The following MYRFL variants were observed in gnomAD, a reference collection of about 807,000 sequenced individuals.
MYRFL encodes myelin regulatory factor-like protein.
Under a neutral mutation model 109.4 loss-of-function variants are expected in MYRFL, and 88 were observed. The observed-to-expected ratio is 0.80, with a 90% CI of 0.68 to 0.96. The LOEUF is 0.96. Ranked by LOEUF, MYRFL falls within the 40% of genes least tolerant of loss-of-function variation. The pLI is 0.00. For missense variants in MYRFL, 957 were observed against 954.9 expected (o/e 1.00, Z -0.03); for synonymous variants, 324 against 320.9 (o/e 1.01, Z -0.10).
intron 19 of MYRFL, among the ~76,000 whole-genome samples, chr12:69,939,588 G>A (rs1955579038): frequency 6.6e-6 from 1 of 151,954 alleles, no homozygotes; most frequent in Admixed American, 6.6e-5. Flanking sequence ...CCACAAAGAT[G>A]GGGAAAAAAC....
intron 19 of MYRFL, among the ~76,000 whole-genome samples, chr12:69,943,725 C>T (rs1364541311): frequency 1.1e-4 from 16 of 141,492 alleles, no homozygotes; most frequent in African/African-American, 4.1e-4. Context: ...GCAAAAGAAA[C>T]TACCATCAGA....
In MYRFL at chr12:69,958,635, T is replaced by A. The variant is rs1956149921; in HGVS notation, c.*104T>A. 2.5e-6 allele frequency: 2 copies of A among 808,976 alleles called. No individual in the cohort carries two copies. The highest frequency in any genetic ancestry group is 3.7e-6 in the Non-Finnish European group (2 of 540,158). 50.1% of individuals were successfully genotyped at this position (808,976 alleles called of 1,614,324 possible). A position where few individuals can be genotyped will look rare whatever the true frequency, so the allele number is the denominator to read the frequency against. On this transcript the variant is annotated 3_prime_UTR_variant, in exon 25 of 25. Coordinates refer to ENST00000552032, the MANE Select transcript of MYRFL (RefSeq NM_182530.3). ...TCTTTTTTCTTCTTTGTAAAACATT[T>A]ACGTTTATTGCTGAAGGACTTTTTC...
At chr12:69,828,027 G>A (rs1592668328) in intron 1 of MYRFL, among the ~76,000 whole-genome samples, 1 of 152,038 alleles carries the variant, frequency 6.6e-6, no homozygotes, top group Non-Finnish European at 1.5e-5. Flanking sequence ...GTTATAATCA[G>A]GGAAGAGTTT....
chr12:69,893,890 C>A, intron 8 of MYRFL, 50 bp downstream of exon 8: 1 of 834,438 alleles, frequency 1.2e-6, no homozygotes, highest in Non-Finnish European at 1.6e-6. Context: ...TGAATAAACA[C>A]CTACTTTGTT....
chr12:69,877,657 A>G (rs531039435), intron 2 of MYRFL, among the ~76,000 whole-genome samples: 17 of 152,250 alleles, frequency 1.1e-4, no homozygotes, highest in South Asian at 6.2e-4. Flanking sequence ...AGGAGAGTAG[A>G]TGTGTGTCCT....
At chr12:69,853,319 G>C (rs532324710) in intron 1 of MYRFL, among the ~76,000 whole-genome samples, 2 of 151,886 alleles carry the variant, frequency 1.3e-5, no homozygotes, top group Non-Finnish European at 1.5e-5. Flanking sequence ...CTTCCCGGAC[G>C]GGGTGGCTGC....
intron 2 of MYRFL, among the ~76,000 whole-genome samples, chr12:69,874,733 C>G (rs1885555447): frequency 1.3e-5 from 2 of 151,750 alleles, no homozygotes; most frequent in South Asian, 4.2e-4. Flanking sequence ...TCTGGCTTAC[C>G]AATTTTGTTT....
In MYRFL at chr12:69,936,367, C is replaced by T. The variant is rs192500619; in HGVS notation, c.2044+32C>T. 1.0e-3 allele frequency: 1,572 copies of T among 1,534,588 alleles called. 4 individuals carry two copies. The highest frequency in any genetic ancestry group is 2.0e-3 in the Admixed American group (104 of 50,742). ...GCTTCACATTCCTCACCCTCAAACC[C>T]GGTTTCAAGTGAACTGTTAACAGAA... On this transcript the variant is annotated intron_variant, in intron 18 of 24. Transcript: ENST00000552032.
chr12:69,936,598 T>A lies in MYRFL; in HGVS notation c.2190T>A (p.Ser730=), dbSNP rs1346999351. 6.5e-7 allele frequency: 1 copy of A among 1,533,232 alleles called. No homozygotes were observed. The highest frequency in any genetic ancestry group is 8.7e-7 in the Non-Finnish European group (1 of 1,144,900). 95.0% of individuals were successfully genotyped at this position (1,533,232 alleles called of 1,614,324 possible). The change falls in exon 19 of 25, where the codon TCT becomes TCA. Residue 730 remains serine, a synonymous_variant. Coordinates refer to ENST00000552032, the MANE Select transcript of MYRFL (RefSeq NM_182530.3). ...EVSSSPVQRQ[S]EEKEFHQRRW... ...CTTCAAGTCCTGTGCAAAGACAATC[T>A]GAGGAGAAGGAATTCCATCAGAGGC...
At chr12:69,936,702 T>A in intron 19 of MYRFL, 70 bp downstream of exon 19, 2 of 1,351,576 alleles carry the variant, frequency 1.5e-6, no homozygotes, top group Non-Finnish European at 2.0e-6. Context: ...ACAATTTACT[T>A]AGATGGTCAT....
In MYRFL at chr12:69,903,580, C is replaced by T; in HGVS notation, c.1183-64C>T. ...ATTCAGTTTGCCTTTGCTCTGAACA[C>T]TAATGTGATCATCTATTCCTGCTAC... is the stretch of plus-strand genomic sequence containing the variant. On this transcript the variant is annotated intron_variant, in intron 10 of 24. Coordinates refer to ENST00000552032, the MANE Select transcript of MYRFL (RefSeq NM_182530.3). 2.0e-6 allele frequency: 3 copies of T among 1,480,128 alleles called. No homozygotes were observed. In the South Asian group the frequency reaches 3.7e-5, roughly 18 times the overall value. 91.7% of individuals were successfully genotyped at this position (1,480,128 alleles called of 1,614,324 possible). A position where few individuals can be genotyped will look rare whatever the true frequency, so the allele number is the denominator to read the frequency against.
At chr12:69,868,072 T>G (rs1885111027) in intron 2 of MYRFL, among the ~76,000 whole-genome samples, 1 of 152,088 alleles carries the variant, frequency 6.6e-6, no homozygotes, top group Non-Finnish European at 1.5e-5. Flanking sequence ...ATGAGTGAAT[T>G]ATTTAACCCC....
intron 6 of MYRFL, 122 bp downstream of exon 6, chr12:69,887,092 T>A: frequency 1.9e-6 from 2 of 1,042,198 alleles, no homozygotes; most frequent in Non-Finnish European, 2.7e-6. Flanking sequence ...AGTGAGAAAG[T>A]GTCTGTCTTA....
chr12:69,952,654 T>G, intron 20 of MYRFL, 145 bp from the exon 21 acceptor site: 1 of 595,846 alleles, frequency 1.7e-6, no homozygotes, highest in Non-Finnish European at 2.8e-6. Context: ...TCCTCCTGTT[T>G]GTTTTCCATT....
At chr12:69,857,003 A>G (rs1399137156) in intron 2 of MYRFL, among the ~76,000 whole-genome samples, 1 of 151,890 alleles carries the variant, frequency 6.6e-6, no homozygotes, top group Non-Finnish European at 1.5e-5. Flanking sequence ...TAAAAGTTTT[A>G]TAGTTTTATA....
At chr12:69,946,282 A>C (rs1278441554) in intron 19 of MYRFL, among the ~76,000 whole-genome samples, 1 of 152,144 alleles carries the variant, frequency 6.6e-6, no homozygotes, top group Non-Finnish European at 1.5e-5. Context: ...ACTACAAATG[A>C]AATTTATGTT....
intron 2 of MYRFL, among the ~76,000 whole-genome samples, chr12:69,857,784 T>A (rs992505566): frequency 6.6e-6 from 1 of 151,814 alleles, no homozygotes; most frequent in African/African-American, 2.4e-5. Flanking sequence ...GGATATTCTA[T>A]GTTGAAGGTC....
At chr12:69,878,685 A>T (rs1245068648) in intron 2 of MYRFL, among the ~76,000 whole-genome samples, 1 of 152,208 alleles carries the variant, frequency 6.6e-6, no homozygotes, top group African/African-American at 2.4e-5. Context: ...TGGGCTTTAT[A>T]TACATGATCT....
intron 19 of MYRFL, among the ~76,000 whole-genome samples, chr12:69,949,694 T>G (rs915868380): frequency 1.3e-5 from 2 of 151,522 alleles, no homozygotes; most frequent in African/African-American, 4.9e-5. Flanking sequence ...TTAGTGTTAG[T>G]GTATTTTATG....
Sources: gnomAD v4.1 joint callset for allele counts (sites outside exome capture counted in the v4.1 genomes callset) on GRCh38, gnomAD v4.1.1 for gene constraint, MANE v1.5 for transcripts, NCBI Gene and HGNC (gene_info 2026-07-23, HGNC 2026-07-21) for gene names.